OR7E24: variants seen among roughly 807,000 people sequenced by gnomAD.
OR7E24 encodes the protein olfactory receptor family 7 subfamily E member 24.
For missense variants in OR7E24, 385 were observed against 410.3 expected (o/e 0.94, Z 0.53); for synonymous variants, 130 against 157.5 (o/e 0.83, Z 1.31).
upstream of OR7E24, among the ~76,000 whole-genome samples, chr19:9,243,655 G>A (rs1284521108): frequency 6.6e-6 from 1 of 152,090 alleles, no homozygotes; most frequent in Non-Finnish European, 1.5e-5. Flanking sequence ...CTAGAGGCAG[G>A]GTTCCATTGC....
At chr19:9,220,118 T>C in the OR7E24 span, among the ~76,000 whole-genome samples, 15 of 152,300 alleles carry the variant, frequency 9.8e-5, no homozygotes, top group African/African-American at 3.6e-4. Flanking sequence ...TTTGGAAATA[T>C]ATATACATTG....
chr19:9,229,391 C>T, the OR7E24 span, among the ~76,000 whole-genome samples: 10 of 151,836 alleles, frequency 6.6e-5, no homozygotes, highest in Admixed American at 2.6e-4. Flanking sequence ...AAAAATTAGC[C>T]GGGCGTGGTG....
At chr19:9,236,819 A>G in the OR7E24 span, among the ~76,000 whole-genome samples, 115,478 of 152,002 alleles carry the variant, frequency 0.76, 45,383 homozygotes, top group Non-Finnish European at 0.86. Context: ...TCTTAATTTG[A>G]TTTTGCTCGT....
At chr19:9,248,168 C>T (rs2066135767), upstream of OR7E24, among the ~76,000 whole-genome samples, 1 of 152,066 alleles carries the variant, frequency 6.6e-6, no homozygotes, top group African/African-American at 2.4e-5. Flanking sequence ...CTAAACACAA[C>T]AAAAAGTTTA....
chr19:9,212,391 C>T, the OR7E24 span: 1 of 152,136 alleles, frequency 6.6e-6, no homozygotes, highest in African/African-American at 2.4e-5. Context: ...AAAATACTGG[C>T]TACCAAATTT....
At position 9,251,570 on chromosome 19, in the gene OR7E24, T is replaced by C. The variant is rs1323964193; in HGVS notation, c.527T>C (p.Leu176Ser). 2.5e-6 allele frequency: 4 copies of C among 1,614,000 alleles called. No individual in the cohort carries two copies. Among genetic ancestry groups the C allele is most frequent in the Non-Finnish European group, 3.4e-6 (4 of 1,179,910 alleles). ...TTTATTAGTCTTTTGGACTCCCAGT[T>C]GCACAATTTGATTATGTTACAGCTC... ...SFFISLLDSQ[L>S]HNLIMLQLTC... The change falls in exon 1 of 1, where the codon TTG becomes TCG. Residue 176 changes from leucine to serine, a missense_variant. Leu to Ser is a moderately radical substitution (Grantham distance 145). Transcript: ENST00000456448.
the OR7E24 span, among the ~76,000 whole-genome samples, chr19:9,228,488 A>G: frequency 1.3e-5 from 2 of 152,016 alleles, no homozygotes; most frequent in South Asian, 4.1e-4. Flanking sequence ...TAAAAACTTC[A>G]TAGTTGGTGT....
At chr19:9,223,999 T>TGC in the OR7E24 span, among the ~76,000 whole-genome samples, 17 of 152,052 alleles carry the variant, frequency 1.1e-4, no homozygotes, top group East Asian at 3.3e-3. Flanking sequence ...AACAGGTGTG[T>TGC]GCCACCACAC....
At chr19:9,226,863 G>T in the OR7E24 span, among the ~76,000 whole-genome samples, 1 of 152,138 alleles carries the variant, frequency 6.6e-6, no homozygotes, top group Non-Finnish European at 1.5e-5. Flanking sequence ...GGAACATCAG[G>T]CAGGGACCCT....
the OR7E24 span, chr19:9,213,860 G>T: frequency 1.4e-6 from 2 of 1,410,134 alleles, no homozygotes; most frequent in Non-Finnish European, 1.0e-6. Context: ...TGCCTTAGGG[G>T]TACGCAGTGT....
At chr19:9,216,164 C>A in the OR7E24 span, among the ~76,000 whole-genome samples, 3 of 152,314 alleles carry the variant, frequency 2.0e-5, no homozygotes, top group South Asian at 4.1e-4. Context: ...TCCCATTACA[C>A]ATGGGAATTC....
At chr19:9,235,774 G>A in the OR7E24 span, 1 of 1,609,762 alleles carries the variant, frequency 6.2e-7, no homozygotes, top group Non-Finnish European at 8.5e-7. Context: ...TGTGTTTCCT[G>A]TAGCTGGGAT....
the OR7E24 span, among the ~76,000 whole-genome samples, chr19:9,228,474 T>C: frequency 1.4e-5 from 2 of 142,774 alleles, no homozygotes; most frequent in Non-Finnish European, 3.0e-5. Flanking sequence ...TCTCTCCGCT[T>C]CCCTAAAAAC....
At chr19:9,214,003 C>T in the OR7E24 span, 12 of 1,614,030 alleles carry the variant, frequency 7.4e-6, no homozygotes, top group Admixed American at 6.7e-5. Flanking sequence ...GTGACCATGG[C>T]GTACATCACT....
At chr19:9,237,403 C>T in the OR7E24 span, among the ~76,000 whole-genome samples, 6 of 152,208 alleles carry the variant, frequency 3.9e-5, no homozygotes, top group East Asian at 3.9e-4. Context: ...CTCCGCCTCC[C>T]GGGTTCATGC....
chr19:9,214,313 C>G, the OR7E24 span: 7 of 1,614,100 alleles, frequency 4.3e-6, no homozygotes, highest in African/African-American at 1.3e-5. Context: ...AGAAGAAATG[C>G]GGAATCTCAG....
the OR7E24 span, chr19:9,209,255 T>G: frequency 6.6e-6 from 1 of 152,312 alleles, no homozygotes; most frequent in Admixed American, 6.5e-5. Flanking sequence ...AACGTGGGAC[T>G]TTTGATAACT....
the OR7E24 span, among the ~76,000 whole-genome samples, chr19:9,215,193 A>G: frequency 3.3e-5 from 5 of 152,048 alleles, no homozygotes; most frequent in Non-Finnish European, 7.4e-5. Flanking sequence ...AAATACAAAA[A>G]TCAGCTGGGC....
Position 9,251,217 on chromosome 19 carries a change from G to A in OR7E24, c.174G>A (p.Leu58=), listed in dbSNP as rs1459459389. 1 of 1,614,004 alleles carries A rather than the reference G, an allele frequency of 6.2e-7. No individual in the cohort carries two copies. The highest frequency in any genetic ancestry group is 8.5e-7 in the Non-Finnish European group (1 of 1,179,974). The change falls in exon 1 of 1, where the codon CTG becomes CTA. Residue 58 remains leucine (L), a synonymous_variant. Transcript: ENST00000456448. ...TGTCCATGTACCTGGTCACGGTGCT[G>A]GGGAACCTGCTCATCATCCTGGCTG... is the stretch of plus-strand genomic sequence containing the variant. ...LFLSMYLVTV[L]GNLLIILAVS...
Sources: gnomAD v4.1 joint callset for allele counts (sites outside exome capture counted in the v4.1 genomes callset) on GRCh38, gnomAD v4.1.1 for gene constraint, MANE v1.5 for transcripts, NCBI Gene and HGNC (gene_info 2026-07-23, HGNC 2026-07-21) for gene names.